The following AKT3 variants were observed in gnomAD, a reference collection of about 807,000 sequenced individuals.
AKT3 encodes AKT serine/threonine kinase 3.
In AKT3, 15 loss-of-function variants were observed where a neutral mutation model predicts 65.3. The observed-to-expected ratio is 0.23, with a 90% CI of 0.15 to 0.35. The LOEUF (loss-of-function observed/expected upper bound fraction) is 0.35, where lower values mean the gene tolerates loss of function less well. Ranked by LOEUF, AKT3 falls within the 10% of genes least tolerant of loss-of-function variation. The pLI, the probability that AKT3 is intolerant of heterozygous loss-of-function variation, is 1.00. For synonymous variants in AKT3, 206 were observed against 183.8 expected (o/e 1.12, Z -0.98); for missense variants, 243 against 576.5 (o/e 0.42, Z 5.92).
At chr1:243,639,860 C>T (rs1412600033) in intron 5 of AKT3, among the ~76,000 whole-genome samples, 2 of 152,200 alleles carry the variant, frequency 1.3e-5, no homozygotes, top group Admixed American at 1.3e-4. Flanking sequence ...GTTGTTTGCT[C>T]TTGAATTCCT....
chr1:243,510,173 T>C (rs1353500129), intron 13 of AKT3, among the ~76,000 whole-genome samples: 1 of 152,170 alleles, frequency 6.6e-6, no homozygotes, highest in Non-Finnish European at 1.5e-5. Flanking sequence ...GACCTTCCTA[T>C]CCCAATATCT....
At chr1:243,831,307 T>C (rs1694492557) in intron 2 of AKT3, among the ~76,000 whole-genome samples, 1 of 152,178 alleles carries the variant, frequency 6.6e-6, no homozygotes, top group African/African-American at 2.4e-5. Context: ...ATCTATGTAA[T>C]AACAAGGCAA....
At chr1:243,516,958 C>A (rs1158817904) in intron 12 of AKT3, among the ~76,000 whole-genome samples, 1 of 152,228 alleles carries the variant, frequency 6.6e-6, no homozygotes, top group Admixed American at 6.5e-5. Context: ...TTAAAAATAT[C>A]TTTTAGTACT....
chr1:243,517,693 T>A (rs1202107435), intron 12 of AKT3, among the ~76,000 whole-genome samples: 1 of 152,232 alleles, frequency 6.6e-6, no homozygotes, highest in Non-Finnish European at 1.5e-5. Flanking sequence ...ATATCTTACA[T>A]TTAAAGTTGG....
intron 4 of AKT3, among the ~76,000 whole-genome samples, chr1:243,661,693 A>C (rs1265402491): frequency 2.6e-5 from 4 of 151,406 alleles, no homozygotes; most frequent in Admixed American, 2.0e-4. Context: ...ACAAAAGCCA[A>C]AATTGACAAA....
chr1:243,829,806 T>C (rs1694388962), intron 2 of AKT3, among the ~76,000 whole-genome samples: 1 of 152,228 alleles, frequency 6.6e-6, no homozygotes, highest in Admixed American at 6.5e-5. Flanking sequence ...AAATGATTTA[T>C]ATAATCAAAA....
chr1:243,775,209 C>G (rs1690474803), intron 2 of AKT3, among the ~76,000 whole-genome samples: 2 of 152,120 alleles, frequency 1.3e-5, no homozygotes, highest in South Asian at 4.1e-4. Context: ...GAGACAGAGT[C>G]TCACACTGTC....
intron 2 of AKT3, among the ~76,000 whole-genome samples, chr1:243,741,148 C>G (rs139335020): frequency 6.6e-6 from 1 of 152,230 alleles, no homozygotes; most frequent in Admixed American, 6.5e-5. Flanking sequence ...TAAACTCCAG[C>G]CTAGTTCTTC....
intron 10 of AKT3, among the ~76,000 whole-genome samples, chr1:243,555,726 T>C (rs1292557821): frequency 6.6e-6 from 1 of 152,150 alleles, no homozygotes; most frequent in Non-Finnish European, 1.5e-5. Flanking sequence ...TGGTAGAGCA[T>C]ATTTCAACTT....
At chr1:243,817,156 A>G (rs1443122367) in intron 2 of AKT3, among the ~76,000 whole-genome samples, 2 of 152,148 alleles carry the variant, frequency 1.3e-5, no homozygotes, top group Non-Finnish European at 1.5e-5. Flanking sequence ...ACAGGAATAA[A>G]CCATTCTACC....
At position 243,500,482 on chromosome 1, in the gene AKT3, TATATCAA is replaced by T; in HGVS notation, c.*4760_*4766del. 1 of 225,960 alleles carries T rather than the reference TATATCAA, an allele frequency of 4.4e-6. No individual in the cohort carries two copies. The highest frequency in any genetic ancestry group is 8.8e-6 in the Non-Finnish European group (1 of 113,718). 14.0% of individuals were successfully genotyped at this position (225,960 alleles called of 1,614,324 possible). On this transcript the variant is annotated 3_prime_UTR_variant, in exon 14 of 14. Transcript: ENST00000673466. ...GTGAAATTAGAAAATTTACTTAGAG[TATATCAA>T]ATATCTGTACACAGATAATTATTTG...
intron 3 of AKT3, among the ~76,000 whole-genome samples, chr1:243,695,202 C>G (rs1291496641): frequency 6.6e-6 from 1 of 151,930 alleles, no homozygotes; most frequent in African/African-American, 2.4e-5. Flanking sequence ...TTTCTCATCA[C>G]ACAATCAAAA....
intron 13 of AKT3, among the ~76,000 whole-genome samples, chr1:243,492,350 G>A (rs1347158654): frequency 1.7e-5 from 2 of 116,272 alleles, no homozygotes; most frequent in African/African-American, 6.7e-5. Context: ...CACCCGGACT[G>A]GAGTACAGTG....
At chr1:243,536,539 G>A (rs1384002858) in intron 12 of AKT3, among the ~76,000 whole-genome samples, 4 of 151,962 alleles carry the variant, frequency 2.6e-5, no homozygotes, top group African/African-American at 9.7e-5. Context: ...TATTATTGTT[G>A]CCTCTGTTTA....
chr1:243,604,961 G>A (rs1677286850), intron 8 of AKT3, among the ~76,000 whole-genome samples: 1 of 152,100 alleles, frequency 6.6e-6, no homozygotes, highest in Admixed American at 6.5e-5. Flanking sequence ...CCAACATACT[G>A]TCATCTCTCG....
chr1:243,610,871 T>G (rs1194851366), intron 8 of AKT3, among the ~76,000 whole-genome samples: 1 of 152,240 alleles, frequency 6.6e-6, no homozygotes, highest in East Asian at 1.9e-4. Context: ...ATGCCCATAT[T>G]GGGCTGTCTC....
chr1:243,850,073 A>G lies in AKT3; in HGVS notation c.-146T>C, dbSNP rs113637471. 2.2e-6 allele frequency: 2 copies of G among 908,664 alleles called. No individual in the cohort carries two copies. Among genetic ancestry groups the G allele is most frequent in the Non-Finnish European group, 2.6e-6 (2 of 772,430 alleles). The allele number at this position is 908,664 out of a possible 1,614,324, so 56.3% of individuals were successfully genotyped here. A position where few individuals can be genotyped will look rare whatever the true frequency, so the allele number is the denominator to read the frequency against. ...GCGGCGGCGGCGGTGGCGGCCCCGC[A>G]GCTGCTCGGGCGGCGGCGGAGGATG... On this transcript the variant is annotated 5_prime_UTR_variant, in exon 1 of 14. Transcript: ENST00000673466.
At chr1:243,566,675 T>C (rs1674184981) in intron 9 of AKT3, among the ~76,000 whole-genome samples, 1 of 152,190 alleles carries the variant, frequency 6.6e-6, no homozygotes, top group Admixed American at 6.5e-5. Flanking sequence ...ATATTATTAA[T>C]TTCTACGTGC....
chr1:243,851,052 G>A (rs991112162), upstream of AKT3: 1 of 152,350 alleles, frequency 6.6e-6, no homozygotes, highest in Admixed American at 6.5e-5. Flanking sequence ...CTCGCACCTG[G>A]AAGCCCACGA....
Sources: gnomAD v4.1 joint callset for allele counts (sites outside exome capture counted in the v4.1 genomes callset) on GRCh38, gnomAD v4.1.1 for gene constraint, MANE v1.5 for transcripts, NCBI Gene and HGNC (gene_info 2026-07-23, HGNC 2026-07-21) for gene names.